Variants in HERC2 observed in about 807,000 individuals in gnomAD.
The protein encoded by HERC2 is HECT and RLD domain containing E3 ubiquitin protein ligase 2.
Under a neutral mutation model 537.7 loss-of-function variants are expected in HERC2, and 102 were observed. The observed-to-expected ratio is 0.19, with a 90% CI of 0.16 to 0.22. The LOEUF (loss-of-function observed/expected upper bound fraction) is 0.22. HERC2 is among the 10% of genes least tolerant of loss of function. The pLI is 1.00. For missense variants in HERC2, 4,236 were observed against 6,198.2 expected, an observed-to-expected ratio of 0.68 and a Z score of 10.63; for synonymous variants, 2,224 against 2,466.2, an observed-to-expected ratio of 0.90 and a Z score of 2.91.
chr15:28,200,171 C>T (rs981057638), intron 48 of HERC2, among the ~76,000 whole-genome samples: 2 of 152,050 alleles, frequency 1.3e-5, no homozygotes, highest in Non-Finnish European at 2.9e-5. Context: ...CCAAGGCAGG[C>T]GGATCACCTG....
intron 70 of HERC2, among the ~76,000 whole-genome samples, chr15:28,152,156 C>T (rs538266174): frequency 1.3e-5 from 2 of 152,326 alleles, no homozygotes; most frequent in East Asian, 3.9e-4. Flanking sequence ...TGCAGAAGGA[C>T]GGGCCTGAGG....
chr15:28,135,823 C>A (rs1890575825), intron 78 of HERC2, 131 bp from the exon 79 acceptor site: 1 of 683,026 alleles, frequency 1.5e-6, no homozygotes, highest in South Asian at 2.0e-5. Context: ...TTAAAAATCT[C>A]AGGAATATAA....
intron 3 of HERC2, among the ~76,000 whole-genome samples, chr15:28,297,346 T>C (rs2076496266): frequency 6.6e-6 from 1 of 152,080 alleles, no homozygotes; most frequent in Non-Finnish European, 1.5e-5. Context: ...AGGGAAACTT[T>C]TATCTCTGGA....
At chr15:28,142,079 TCA>T (rs1891281131) in intron 76 of HERC2, among the ~76,000 whole-genome samples, 157 bp downstream of exon 76, 2 of 152,318 alleles carry the variant, frequency 1.3e-5, no homozygotes, top group South Asian at 2.1e-4. Flanking sequence ...TAACTGAAAT[TCA>T]CAGTGTCAGT....
At chr15:28,133,187 C>CTGGCCCTA (rs1890283414) in intron 79 of HERC2, among the ~76,000 whole-genome samples, 1 of 151,940 alleles carries the variant, frequency 6.6e-6, no homozygotes, top group Non-Finnish European at 1.5e-5. Flanking sequence ...TAGTTACCAT[C>CTGGCCCTA]TGGCCCTATA....
intron 4 of HERC2, among the ~76,000 whole-genome samples, chr15:28,290,940 C>A (rs1230383504): frequency 6.6e-6 from 1 of 151,776 alleles, no homozygotes; most frequent in Non-Finnish European, 1.5e-5. Flanking sequence ...GAACCCAAAG[C>A]CAGCAGAAAA....
At position 28,237,052 on chromosome 15, in the gene HERC2, G is replaced by A; in HGVS notation, c.3914C>T (p.Thr1305Ile). The A allele has an allele frequency of 6.2e-7, 1 of 1,606,932 alleles. No individual in the cohort carries two copies. The highest frequency in any genetic ancestry group is 8.5e-7 in the Non-Finnish European group (1 of 1,175,222). Residue 1305 changes from threonine (T) to isoleucine (I), a missense_variant, in exon 26 of 93, where the codon ACA (threonine) becomes ATA (isoleucine). Physicochemically the swap from Thr to Ile is moderately conservative, Grantham distance 89 (BLOSUM62 -1). Around this residue, in one of 27 missense-constraint regions of HERC2, gnomAD observed 754 missense variants for 1,085.0 expected, o/e 0.69. Transcript: ENST00000261609. ...GAGAAGCAGGCCCAGATTCCTCTCT[G>A]TGTCTATCAGAGGTGAAGAGAGACT... ...LGSLSSPLID[T>I]ERNLGLLLGL...
chr15:28,141,344 T>A, intron 78 of HERC2, 88 bp downstream of exon 78: 4 of 1,102,638 alleles, frequency 3.6e-6, no homozygotes, highest in Non-Finnish European at 4.2e-6. Context: ...TTAGTACAGA[T>A]CCTTGCACGT....
chr15:28,135,630 G>A lies in HERC2; in HGVS notation c.12078C>T (p.Ser4026=), dbSNP rs148628168. Residue 4026 remains serine, a synonymous_variant, in exon 79 of 93, where the codon TCC becomes TCT. Coordinates refer to ENST00000261609, the MANE Select transcript of HERC2 (RefSeq NM_004667.6). ...GAATGGATTCAAGCAATGTTGGGGT[G>A]GACACCGACTCTGTCCCTCCAATGC... is the stretch of plus-strand genomic sequence containing the variant. ...RLGIGGTESV[S]TPTLLESIQH... The A allele has an allele frequency of 1.9e-4, 314 of 1,613,968 alleles. No homozygotes were observed. In the African/African-American group the frequency reaches 3.6e-3, roughly 18 times the overall value.
chr15:28,114,873 A>G, intron 89 of HERC2, 71 bp from the exon 90 acceptor site: 4 of 1,323,528 alleles, frequency 3.0e-6, no homozygotes, highest in Non-Finnish European at 4.3e-6. Flanking sequence ...CAGTCCACCC[A>G]GCACACTCTG....
chr15:28,235,441 T>C lies in HERC2; in HGVS notation c.4004-1157A>G, dbSNP rs144714842. Among the ~76,000 whole-genome samples, 1,217 of 152,184 alleles carry C rather than the reference T, an allele frequency of 8.0e-3. 22 individuals are homozygous for C. Among genetic ancestry groups the C allele is most frequent in the African/African-American group, 0.028 (1,153 of 41,520 alleles). ...CTTGAGGAGGAGGGAAGGAAGCAGA[T>C]ACCTCAGAGGGCACCACAGGCAGCC... On this transcript the variant is annotated intron_variant, in intron 26 of 92. Transcript: ENST00000261609.
chr15:28,140,249 T>C (rs1891078215), intron 78 of HERC2, among the ~76,000 whole-genome samples: 1 of 151,940 alleles, frequency 6.6e-6, no homozygotes, highest in Non-Finnish European at 1.5e-5. Context: ...CTGCACCCGC[T>C]CCAGTCTTGA....
intron 12 of HERC2, among the ~76,000 whole-genome samples, chr15:28,266,912 A>T (rs1334846038): frequency 6.6e-6 from 1 of 152,188 alleles, no homozygotes; most frequent in African/African-American, 2.4e-5. Flanking sequence ...GTTGTATGGA[A>T]GCCTCATAAA....
rs140338897 is a variant in HERC2 at position 28,233,497 on chromosome 15, C to T, written c.4416G>A (p.Thr1472=). Reference sequence around the variant, plus strand: ...AAACATCCACCACTGACTTAGGCAACGTTCTGTGCTTTACTTGCTCAATAC... The same window carrying T: ...AAACATCCACCACTGACTTAGGCAATGTTCTGTGCTTTACTTGCTCAATAC... ...ALGIEQVKHR[T]LPKSVVDVCR... is the part of the protein sequence containing the mutation. The change falls in exon 29 of 93, where the codon ACG becomes ACA. Residue 1472 remains threonine (T), a synonymous_variant. Coordinates refer to ENST00000261609, the MANE Select transcript of HERC2 (RefSeq NM_004667.6). The T allele has an allele frequency of 4.0e-4, 606 of 1,527,746 alleles. 5 individuals carry two copies. Among genetic ancestry groups the T allele is most frequent in the Non-Finnish European group, 1.6e-4 (179 of 1,101,946 alleles). 94.6% of individuals were successfully genotyped at this position (1,527,746 alleles called of 1,614,324 possible).
chr15:28,135,298 C>T (rs1255894169), intron 79 of HERC2, among the ~76,000 whole-genome samples, 180 bp downstream of exon 79: 3 of 152,090 alleles, frequency 2.0e-5, no homozygotes, highest in African/African-American at 4.8e-5. Flanking sequence ...AGGAATCATA[C>T]GGGTAAGCCT....
In HERC2 at chr15:28,113,481, G is replaced by A. The variant is rs924946032; in HGVS notation, c.14019+92C>T. 1 of 1,222,008 alleles carries A rather than the reference G, an allele frequency of 8.2e-7. No homozygotes were observed. Among genetic ancestry groups the A allele is most frequent in the Non-Finnish European group, 1.2e-6 (1 of 834,862 alleles). The allele number at this position is 1,222,008 out of a possible 1,614,324, so 75.7% of individuals were successfully genotyped here. ...GTGCACTCCCTTCAGTCAACACACAGGGCAAGGTTCTGACTCTAACTGCTG... is the reference window on the plus strand; with the variant it reads ...GTGCACTCCCTTCAGTCAACACACAAGGCAAGGTTCTGACTCTAACTGCTG... On this transcript the variant is annotated intron_variant, in intron 91 of 92. Coordinates refer to ENST00000261609, the MANE Select transcript of HERC2 (RefSeq NM_004667.6). This position sits in a 1 kb window ranked among gnomAD's most constrained non-coding sequence, Gnocchi z 7.0.
chr15:28,226,777 C>T (rs1901221472), intron 35 of HERC2, among the ~76,000 whole-genome samples: 1 of 152,162 alleles, frequency 6.6e-6, no homozygotes. Context: ...AAAAACTTCT[C>T]TATCAAAGGA....
intron 52 of HERC2, among the ~76,000 whole-genome samples, chr15:28,193,193 C>G (rs1280930392): frequency 5.3e-5 from 8 of 152,100 alleles, no homozygotes; most frequent in Admixed American, 3.9e-4. Flanking sequence ...AGGACAGAAA[C>G]AGACCCACAA....
intron 23 of HERC2, among the ~76,000 whole-genome samples, chr15:28,243,087 C>T (rs1903295726): frequency 6.6e-6 from 1 of 152,202 alleles, no homozygotes; most frequent in African/African-American, 2.4e-5. Context: ...GCTGCAAGAT[C>T]AGACCAGACA....
Sources: allele counts gnomAD v4.1 joint callset (sites outside exome capture counted in the v4.1 genomes callset), GRCh38; gene constraint gnomAD v4.1.1; regional missense constraint gnomAD v4.1.1; non-coding constraint Gnocchi (gnomAD v3.1); transcripts MANE v1.5; gene names NCBI Gene and HGNC (gene_info 2026-07-23, HGNC 2026-07-21).